ACSL5: variants seen among roughly 807,000 people sequenced by gnomAD.
ACSL5 encodes long-chain-fatty-acid--CoA ligase 5.
In ACSL5, 50 loss-of-function variants were observed where a neutral mutation model predicts 84.9. That is an observed-to-expected ratio of 0.59 (90% CI 0.47 to 0.75). The LOEUF (loss-of-function observed/expected upper bound fraction) is 0.75, where lower values mean the gene tolerates loss of function less well. Among genes scored for constraint, ACSL5 ranks in the 30% least tolerant of loss-of-function variants. The pLI, the probability that ACSL5 is intolerant of heterozygous loss-of-function variation, is 0.00. For synonymous variants in ACSL5, 280 were observed against 300.7 expected (o/e 0.93, Z 0.71); for missense variants, 775 against 830.4 (o/e 0.93, Z 0.82).
At chr10:112,380,281 GTA>G (rs1459589796) in intron 1 of ACSL5, among the ~76,000 whole-genome samples, 3 of 152,126 alleles carry the variant, frequency 2.0e-5, no homozygotes, top group Non-Finnish European at 4.4e-5. Context: ...GAGGCTCTTG[GTA>G]TTTGACTTAA....
chr10:112,417,201 T>TTAAAAAAAA (rs1554864778), intron 13 of ACSL5, among the ~76,000 whole-genome samples, 179 bp downstream of exon 13: 1 of 120,064 alleles, frequency 8.3e-6, no homozygotes, highest in East Asian at 2.5e-4. Flanking sequence ...GGAGTAGGTT[T>TTAAAAAAAA]AAAAAAAAAA....
In ACSL5 at chr10:112,404,567, T is replaced by G; in HGVS notation, c.322T>G (p.Tyr108Asp). 2 of 1,613,210 alleles carry G rather than the reference T, an allele frequency of 1.2e-6. No homozygotes were observed. The highest frequency in any genetic ancestry group is 1.7e-6 in the Non-Finnish European group (2 of 1,179,180). ...KPNQPYRWLSYKQVSDRAEYL... is the reference protein window; with the variant it reads ...KPNQPYRWLSDKQVSDRAEYL... ...AAACCAGCCCTACAGATGGCTATCT[T>G]ACAAACAGGTAAGTTGAGTCCATGT... is the stretch of plus-strand genomic sequence containing the variant. Residue 108 changes from tyrosine to aspartate, a missense_variant, in exon 4 of 21, where the codon TAC becomes GAC. Transcript: ENST00000354655.
At chr10:112,425,595 T>TAAAA (rs71489969) in intron 18 of ACSL5, 114 bp downstream of exon 18, 269 of 537,472 alleles carry the variant, frequency 5.0e-4, no homozygotes, top group Non-Finnish European at 6.4e-4. Context: ...CTTATAAAAC[T>TAAAA]AAAAAAAAAA....
intron 2 of ACSL5, among the ~76,000 whole-genome samples, chr10:112,395,324 G>T (rs890311410): frequency 2.0e-5 from 3 of 152,174 alleles, no homozygotes; most frequent in Non-Finnish European, 4.4e-5. Context: ...GATTGGAGTT[G>T]GCAAACATAG....
intron 1 of ACSL5, among the ~76,000 whole-genome samples, chr10:112,392,284 C>A (rs1174759081): frequency 6.6e-6 from 1 of 150,738 alleles, no homozygotes; most frequent in African/African-American, 2.4e-5. Context: ...CCAGCCTGGG[C>A]AGCATGGTGA....
At chr10:112,395,168 A>G (rs1843720702) in intron 2 of ACSL5, 66 bp downstream of exon 2, 1 of 1,497,174 alleles carries the variant, frequency 6.7e-7, no homozygotes, top group Non-Finnish European at 9.2e-7. Flanking sequence ...CTCCAAACCT[A>G]GGGATAGCTC....
At chr10:112,381,014 C>CCAGCCT (rs1849338500) in intron 1 of ACSL5, among the ~76,000 whole-genome samples, 1 of 152,176 alleles carries the variant, frequency 6.6e-6, no homozygotes, top group South Asian at 2.1e-4. Flanking sequence ...AAACGATCCT[C>CCAGCCT]CAGCCTCAGC....
At chr10:112,393,349 T>G (rs1843680930) in intron 1 of ACSL5, among the ~76,000 whole-genome samples, 1 of 152,198 alleles carries the variant, frequency 6.6e-6, no homozygotes, top group Non-Finnish European at 1.5e-5. Flanking sequence ...AGTTCAGTTT[T>G]CTCCTCTAAA....
chr10:112,398,779 C>A (rs554892726), intron 2 of ACSL5, 122 bp from the exon 3 acceptor site: 10 of 750,538 alleles, frequency 1.3e-5, no homozygotes, highest in Non-Finnish European at 4.7e-6. Flanking sequence ...AATTGACTAG[C>A]GAAGAGAACA....
At chr10:112,377,401 G>A (rs1055298818) in intron 1 of ACSL5, among the ~76,000 whole-genome samples, 3 of 152,158 alleles carry the variant, frequency 2.0e-5, no homozygotes, top group South Asian at 2.1e-4. Context: ...TTAGCTTGGC[G>A]TGGTGGCGTA....
At chr10:112,401,795 T>TCC (rs1234179195) in intron 3 of ACSL5, among the ~76,000 whole-genome samples, 2 of 62,502 alleles carry the variant, frequency 3.2e-5, no homozygotes, top group Admixed American at 4.0e-4. Flanking sequence ...TCTCTTTCTT[T>TCC]CTTTCTTTCT....
chr10:112,375,067 T>A (rs202059414), intron 1 of ACSL5, among the ~76,000 whole-genome samples: 21 of 139,276 alleles, frequency 1.5e-4, no homozygotes, highest in Admixed American at 7.0e-5. Context: ...AAAAAAGAAA[T>A]AAAACCTCAT....
At chr10:112,393,413 A>T (rs1843681547) in intron 1 of ACSL5, among the ~76,000 whole-genome samples, 1 of 152,236 alleles carries the variant, frequency 6.6e-6, no homozygotes, top group African/African-American at 2.4e-5. Flanking sequence ...GCAGAAAGAT[A>T]GTAAGAGTGG....
Position 112,416,887 on chromosome 10 carries a change from G to C in ACSL5, c.1084-1G>C. On this transcript the variant is annotated splice_acceptor_variant, in intron 12 of 20. Coordinates refer to ENST00000354655, the MANE Select transcript of ACSL5 (RefSeq NM_203379.2). LOFTEE classifies it high-confidence loss of function. ...AACTAAAAGGAGCTATCACTCTGCA[G>C]GTACAAAATGAGGCCAAGACACCCT... 6.2e-7 allele frequency: 1 copy of C among 1,613,852 alleles called. No homozygotes were observed. The highest frequency in any genetic ancestry group is 8.5e-7 in the Non-Finnish European group (1 of 1,179,826).
chr10:112,394,555 T>C (rs1589678843), intron 1 of ACSL5, among the ~76,000 whole-genome samples: 1 of 152,196 alleles, frequency 6.6e-6, no homozygotes. Context: ...CCTCTGACCA[T>C]CAGATTATGT....
Position 112,411,967 on chromosome 10 carries a change from G to C in ACSL5, c.936G>C (p.Glu312Asp). 6.2e-7 allele frequency: 1 copy of C among 1,613,290 alleles called. No individual in the cohort carries two copies. Among genetic ancestry groups the C allele is most frequent in the Non-Finnish European group, 8.5e-7 (1 of 1,179,224 alleles). Residue 312 changes from glutamate (E) to aspartate (D), a missense_variant, in exon 11 of 21, where the codon GAG becomes GAC. Coordinates refer to ENST00000354655, the MANE Select transcript of ACSL5 (RefSeq NM_203379.2). Reference protein sequence around the residue: ...ISYLPLAHMFERIVQAVVYSC... With the variant: ...ISYLPLAHMFDRIVQAVVYSC... ...ACCTCCCTCTGGCTCATATGTTTGA[G>C]AGGATTGTACAGGTGAGTGTTCTGT...
In ACSL5 at chr10:112,378,221, C is replaced by T. The variant is rs1375751438; in HGVS notation, c.-30+3952C>T. Among the ~76,000 whole-genome samples, 28 of 112,748 alleles carry T rather than the reference C, an allele frequency of 2.5e-4. 1 individual carries two copies. The highest frequency in any genetic ancestry group is 5.1e-3 in the Middle Eastern group (1 of 198). 74.0% of individuals were successfully genotyped at this position (112,748 alleles called of 152,430 possible). ...TATATTTAATCAAGACAATCTTCTT[C>T]TTCTTGTTTTTTTTTTTTTTTTTTT... On this transcript the variant is annotated intron_variant, in intron 1 of 20. Transcript: ENST00000354655.
chr10:112,400,329 C>A (rs1843850739), intron 3 of ACSL5, among the ~76,000 whole-genome samples: 3 of 151,748 alleles, frequency 2.0e-5, no homozygotes, highest in Admixed American at 2.0e-4. Context: ...AATCCTCTCA[C>A]CTCAGCTTCC....
intron 17 of ACSL5, among the ~76,000 whole-genome samples, chr10:112,423,326 G>C (rs749246393): frequency 1.5e-5 from 2 of 137,144 alleles, no homozygotes; most frequent in Non-Finnish European, 3.1e-5. Flanking sequence ...GTAATTTAAC[G>C]TGTGAATAGG....
Sources: allele counts gnomAD v4.1 joint callset (sites outside exome capture counted in the v4.1 genomes callset), GRCh38; gene constraint gnomAD v4.1.1; transcripts MANE v1.5; gene names NCBI Gene and HGNC (gene_info 2026-07-23, HGNC 2026-07-21).